The following MYRIP variants were observed in gnomAD, a reference collection of about 807,000 sequenced individuals.
MYRIP encodes the protein rab effector MyRIP.
A neutral mutation model predicts 98.0 loss-of-function variants in MYRIP; 49 were observed. That is an observed-to-expected ratio of 0.50 (90% CI 0.40 to 0.63). MYRIP has a LOEUF of 0.63. Among genes scored for constraint, MYRIP ranks in the 30% least tolerant of loss-of-function variants. The pLI is 0.00. For synonymous variants in MYRIP, 404 were observed against 409.5 expected (o/e 0.99, Z 0.16); for missense variants, 1,004 against 1,058.2 (o/e 0.95, Z 0.71).
At chr3:40,250,166 A>ATAT in intron 13 of MYRIP, 56 bp from the exon 14 acceptor site, 1 of 1,392,016 alleles carries the variant, frequency 7.2e-7, no homozygotes, top group Non-Finnish European at 1.0e-6. Context: ...CTTTTAAGAA[A>ATAT]TATTTTCCCC....
At chr3:39,868,995 T>G (rs1284220891) in intron 1 of MYRIP, among the ~76,000 whole-genome samples, 1 of 152,222 alleles carries the variant, frequency 6.6e-6, no homozygotes, top group Non-Finnish European at 1.5e-5. Flanking sequence ...ATTCTGTCTT[T>G]TCTTTGGTTT....
rs568452726 is a variant in MYRIP, at chr3:39,875,761, C to G, written c.-30-25026C>G. On this transcript the variant is annotated intron_variant, in intron 1 of 16. Transcript: ENST00000302541. The stretch of plus-strand genomic sequence containing the variant: ...TTGCTGAGGAGAGCTTTACTTCCAA[C>G]TATGTGGTCAATTTTGGAATAGGTG... 1.9e-3 allele frequency among the ~76,000 whole-genome samples: 281 copies of G among 149,882 alleles called. 1 individual carries two copies. The highest frequency in any genetic ancestry group is 0.014 in the Middle Eastern group (4 of 292).
intron 3 of MYRIP, among the ~76,000 whole-genome samples, chr3:40,095,768 C>T (rs1178590095): frequency 6.6e-6 from 1 of 151,706 alleles, no homozygotes; most frequent in African/African-American, 2.4e-5. Context: ...TTCCCTTTCC[C>T]TCTTTCCCTC....
chr3:39,945,027 G>A (rs1320367369), intron 2 of MYRIP, among the ~76,000 whole-genome samples: 1 of 151,824 alleles, frequency 6.6e-6, no homozygotes, highest in Non-Finnish European at 1.5e-5. Context: ...ATCTTGACTG[G>A]GAGATCTGGA....
intron 1 of MYRIP, among the ~76,000 whole-genome samples, chr3:39,828,417 T>A (rs1177095825): frequency 6.6e-6 from 1 of 151,982 alleles, no homozygotes; most frequent in Non-Finnish European, 1.5e-5. Context: ...TTGTCTTGTA[T>A]ATTACTGAGT....
chr3:40,091,496 A>T (rs1948736894), intron 3 of MYRIP, among the ~76,000 whole-genome samples: 1 of 152,212 alleles, frequency 6.6e-6, no homozygotes, highest in African/African-American at 2.4e-5. Context: ...CCACTTTTTT[A>T]AAATTAAAGA....
intron 3 of MYRIP, among the ~76,000 whole-genome samples, chr3:40,055,031 C>T (rs1197459030): frequency 6.6e-6 from 1 of 152,152 alleles, no homozygotes; most frequent in East Asian, 1.9e-4. Context: ...TTTCTTTTAA[C>T]AGTCACCAGC....
intron 2 of MYRIP, among the ~76,000 whole-genome samples, chr3:39,994,250 T>G (rs1946273874): frequency 6.6e-6 from 1 of 152,232 alleles, no homozygotes; most frequent in Non-Finnish European, 1.5e-5. Flanking sequence ...CATCGCCTCA[T>G]CCGGGAAGTG....
chr3:39,836,072 A>C (rs1941610937), intron 1 of MYRIP, among the ~76,000 whole-genome samples: 1 of 152,162 alleles, frequency 6.6e-6, no homozygotes, highest in Admixed American at 6.5e-5. Context: ...ATGTATCTTT[A>C]TAGTGTAATG....
At chr3:40,039,889 T>C (rs1454879789) in intron 2 of MYRIP, among the ~76,000 whole-genome samples, 1 of 152,074 alleles carries the variant, frequency 6.6e-6, no homozygotes, top group East Asian at 1.9e-4. Context: ...CCCAAGTCTC[T>C]TGGGGGAGAA....
chr3:40,128,511 C>A (rs546650266), intron 3 of MYRIP, among the ~76,000 whole-genome samples: 12 of 152,330 alleles, frequency 7.9e-5, no homozygotes, highest in Non-Finnish European at 4.4e-5. Context: ...TAACCCAAAA[C>A]TCAGGGCCTC....
intron 1 of MYRIP, among the ~76,000 whole-genome samples, chr3:39,832,159 A>G (rs1941470132): frequency 6.6e-6 from 1 of 152,190 alleles, no homozygotes; most frequent in African/African-American, 2.4e-5. Context: ...TGTTCTGGAA[A>G]TGGTTTTAGT....
intron 9 of MYRIP, among the ~76,000 whole-genome samples, chr3:40,189,143 C>T (rs530279375): frequency 2.0e-5 from 3 of 152,294 alleles, no homozygotes; most frequent in South Asian, 4.1e-4. Flanking sequence ...GGATGCACCT[C>T]GTCCTCACTC....
At chr3:39,981,685 T>A (rs373677812) in intron 2 of MYRIP, among the ~76,000 whole-genome samples, 1 of 152,210 alleles carries the variant, frequency 6.6e-6, no homozygotes, top group African/African-American at 2.4e-5. Flanking sequence ...GGCTGCTGGA[T>A]TGGAAACACT....
At chr3:39,876,433 G>C (rs1232315181) in intron 1 of MYRIP, among the ~76,000 whole-genome samples, 5 of 152,148 alleles carry the variant, frequency 3.3e-5, no homozygotes, top group African/African-American at 1.2e-4. Context: ...TTTCTTCCTA[G>C]CCTCGATGGT....
chr3:39,909,957 C>T (rs1487790773), intron 2 of MYRIP, among the ~76,000 whole-genome samples: 1 of 150,214 alleles, frequency 6.7e-6, no homozygotes, highest in East Asian at 2.0e-4. Flanking sequence ...AGTGGTAGAT[C>T]TCAGCTCACT....
At chr3:39,817,740 C>T (rs113423002) in intron 1 of MYRIP, among the ~76,000 whole-genome samples, 14 of 152,036 alleles carry the variant, frequency 9.2e-5, no homozygotes, top group South Asian at 2.1e-4. Flanking sequence ...GCTCAGTAGC[C>T]GCATGTATTG....
chr3:39,912,362 C>T (rs1944043164), intron 2 of MYRIP, among the ~76,000 whole-genome samples: 1 of 152,106 alleles, frequency 6.6e-6, no homozygotes, highest in Admixed American at 6.5e-5. Context: ...ACAGAAGACA[C>T]CAAATAATTA....
chr3:40,251,118 T>C (rs1953364053), intron 15 of MYRIP, among the ~76,000 whole-genome samples: 1 of 152,216 alleles, frequency 6.6e-6, no homozygotes, highest in Non-Finnish European at 1.5e-5. Context: ...CTTTATCTAA[T>C]GGACATTTTC....
Sources: gnomAD v4.1 joint callset for allele counts (sites outside exome capture counted in the v4.1 genomes callset) on GRCh38, gnomAD v4.1.1 for gene constraint, MANE v1.5 for transcripts, NCBI Gene and HGNC (gene_info 2026-07-23, HGNC 2026-07-21) for gene names.